CCDC102B: variants seen among roughly 807,000 people sequenced by gnomAD.
CCDC102B encodes the protein coiled-coil domain containing 102B.
In CCDC102B, 75 loss-of-function variants were observed where a neutral mutation model predicts 57.4. The ratio of observed to expected loss-of-function variants is 1.31; its 90% CI spans 1.08 to 1.58. CCDC102B has a LOEUF of 1.58. CCDC102B is among the 40% of genes most tolerant of loss of function. The pLI, the probability that CCDC102B is intolerant of heterozygous loss-of-function variation, is 0.00. For synonymous variants in CCDC102B, 206 were observed against 201.9 expected (o/e 1.02, Z -0.17); for missense variants, 636 against 582.6 (o/e 1.09, Z -0.94).
chr18:69,021,892 G>A (rs1346811238), intron 7 of CCDC102B, among the ~76,000 whole-genome samples: 1 of 152,098 alleles, frequency 6.6e-6, no homozygotes, highest in Non-Finnish European at 1.5e-5. Flanking sequence ...TCTCCCCGGT[G>A]TGGATGATTT....
intron 4 of CCDC102B, among the ~76,000 whole-genome samples, chr18:68,869,466 G>C (rs764815759): frequency 6.6e-6 from 1 of 152,218 alleles, no homozygotes; most frequent in Non-Finnish European, 1.5e-5. Flanking sequence ...GAGGAATGCT[G>C]GTAGCAGAAG....
intron 6 of CCDC102B, among the ~76,000 whole-genome samples, chr18:68,955,779 T>C (rs981485975): frequency 1.3e-5 from 2 of 152,036 alleles, no homozygotes; most frequent in East Asian, 3.9e-4. Context: ...CTCGTTAATT[T>C]TGTGGGTACA....
intron 5 of CCDC102B, among the ~76,000 whole-genome samples, chr18:68,892,246 A>C (rs2040105551): frequency 6.6e-6 from 1 of 152,070 alleles, no homozygotes; most frequent in South Asian, 2.1e-4. Context: ...GACCTTGAAA[A>C]ACCTGAAAAC....
chr18:68,921,645 G>A (rs892326534), intron 6 of CCDC102B, among the ~76,000 whole-genome samples: 4 of 152,158 alleles, frequency 2.6e-5, no homozygotes, highest in African/African-American at 7.2e-5. Flanking sequence ...AGATAGAGAA[G>A]CGAGCACAAG....
At chr18:68,888,333 T>C (rs1165059633) in intron 5 of CCDC102B, among the ~76,000 whole-genome samples, 1 of 152,182 alleles carries the variant, frequency 6.6e-6, no homozygotes, top group Non-Finnish European at 1.5e-5. Flanking sequence ...TCCCCATAAA[T>C]TGGTGTTTTA....
Position 68,765,074 on chromosome 18 carries a change from T to TAAATAAATAAATAAATAAATAAGC in CCDC102B, c.-67+48482_-67+48483insATAAATAAATAAATAAATAAGCAA, listed in dbSNP as rs1053677471. ...ATAAATAAATAAATAAATAAATAAA[T>TAAATAAATAAATAAATAAATAAGC]AAGCTGGGGATGGTGGTGCATGTCT... On this transcript the variant is annotated intron_variant, in intron 2 of 3. Coordinates refer to the CCDC102B transcript ENST00000578970. Among the ~76,000 whole-genome samples, 139 of 148,004 alleles carry TAAATAAATAAATAAATAAATAAGC rather than the reference T, an allele frequency of 9.4e-4. 1 individual carries two copies. The highest frequency in any genetic ancestry group is 3.3e-3 in the African/African-American group (130 of 39,902).
intron 7 of CCDC102B, among the ~76,000 whole-genome samples, chr18:69,039,117 C>A (rs553882997): frequency 1.3e-5 from 2 of 152,006 alleles, no homozygotes; most frequent in South Asian, 4.1e-4. Context: ...GCAAAAATGT[C>A]ACTTTCTAGA....
At chr18:68,975,793 T>C (rs2050419714) in intron 6 of CCDC102B, among the ~76,000 whole-genome samples, 1 of 151,456 alleles carries the variant, frequency 6.6e-6, no homozygotes, top group African/African-American at 2.4e-5. Context: ...CTACAAACAG[T>C]GTGTTTCTTA....
chr18:68,940,726 A>G (rs181264858), intron 6 of CCDC102B, among the ~76,000 whole-genome samples: 2 of 152,056 alleles, frequency 1.3e-5, no homozygotes. Context: ...TAATGGCTAT[A>G]TATATAATTC....
Position 68,974,330 on chromosome 18 carries a change from A to G in CCDC102B, c.1264-36604A>G, listed in dbSNP as rs183418760. ...TCAAGGGACCATGTTAGAAACAAAG[A>G]CACACCCTAACGTGCCAGTGCCTTG... On this transcript the variant is annotated intron_variant, in intron 6 of 7. Coordinates refer to ENST00000360242, the MANE Select transcript of CCDC102B (RefSeq NM_024781.3). Among the ~76,000 whole-genome samples the G allele has an allele frequency of 3.3e-5, 5 of 152,182 alleles. No homozygotes were observed. In the East Asian group the frequency reaches 7.7e-4, roughly 24 times the overall value.
At chr18:68,951,813 A>G (rs999834482) in intron 6 of CCDC102B, among the ~76,000 whole-genome samples, 6 of 152,070 alleles carry the variant, frequency 3.9e-5, no homozygotes, top group Admixed American at 3.3e-4. Flanking sequence ...GTCAAAAAAA[A>G]AAAAGACAAT....
rs369127082 is a variant in CCDC102B, at chr18:69,020,465, A to G, written c.1434+9361A>G. Among the ~76,000 whole-genome samples the G allele has an allele frequency of 3.9e-5, 6 of 152,120 alleles. No individual in the cohort carries two copies. In the South Asian group the frequency reaches 8.3e-4, roughly 21 times the overall value. On this transcript the variant is annotated intron_variant, in intron 7 of 7. Transcript: ENST00000360242. ...AATGATATTAAAATCTGGCTGAACT[A>G]TAGTATCATTTTGGAAGATTAAAAA...
At chr18:68,828,607 C>G (rs1057298857) in intron 1 of CCDC102B, among the ~76,000 whole-genome samples, 5 of 151,230 alleles carry the variant, frequency 3.3e-5, no homozygotes, top group African/African-American at 1.2e-4. Flanking sequence ...AAGATCATGC[C>G]CTAAATTCTT....
At chr18:68,731,323 A>T (rs2032852858) in intron 2 of CCDC102B, among the ~76,000 whole-genome samples, 1 of 152,056 alleles carries the variant, frequency 6.6e-6, no homozygotes, top group South Asian at 2.1e-4. Flanking sequence ...TCTATTTTCG[A>T]TGCTGAGATG....
chr18:69,014,809 T>A (rs1469226885), intron 7 of CCDC102B, among the ~76,000 whole-genome samples: 2 of 152,038 alleles, frequency 1.3e-5, no homozygotes, highest in Non-Finnish European at 2.9e-5. Context: ...AGGCATTCCA[T>A]AGAACTATAG....
chr18:68,894,828 A>T (rs2040190048), intron 5 of CCDC102B, among the ~76,000 whole-genome samples: 1 of 151,702 alleles, frequency 6.6e-6, no homozygotes, highest in Non-Finnish European at 1.5e-5. Flanking sequence ...ATCATTACTT[A>T]AAAAAAATCT....
intron 4 of CCDC102B, among the ~76,000 whole-genome samples, chr18:68,871,437 TTAATC>T (rs1481559793): frequency 6.6e-6 from 1 of 152,144 alleles, no homozygotes; most frequent in African/African-American, 2.4e-5. Flanking sequence ...TACAAATCCA[TTAATC>T]TAAATCTAAA....
intron 1 of CCDC102B, among the ~76,000 whole-genome samples, chr18:68,835,836 C>T (rs2037342907): frequency 6.6e-6 from 1 of 152,190 alleles, no homozygotes; most frequent in African/African-American, 2.4e-5. Context: ...GAGAGTTCCT[C>T]ATTGTGATGT....
At chr18:69,030,075 A>G (rs1162274091) in intron 7 of CCDC102B, among the ~76,000 whole-genome samples, 1 of 152,156 alleles carries the variant, frequency 6.6e-6, no homozygotes. Context: ...TTTATATTTC[A>G]ATACTGCTTA....
Sources: allele counts gnomAD v4.1 joint callset (sites outside exome capture counted in the v4.1 genomes callset), GRCh38; gene constraint gnomAD v4.1.1; transcripts MANE v1.5; gene names NCBI Gene and HGNC (gene_info 2026-07-23, HGNC 2026-07-21).